The following LRRFIP1 variants were observed in gnomAD, a reference collection of about 807,000 sequenced individuals.
LRRFIP1 encodes the protein leucine-rich repeat flightless-interacting protein 1.
LRRFIP1 carries 62 observed loss-of-function variants against 104.4 expected under a neutral mutation model. The ratio of observed to expected loss-of-function variants is 0.59; its 90% CI spans 0.48 to 0.73. LRRFIP1 has a LOEUF of 0.73. Among genes scored for constraint, LRRFIP1 ranks in the 30% least tolerant of loss-of-function variants. The pLI is 0.00. For missense variants in LRRFIP1, 796 were observed against 824.5 expected (o/e 0.97, Z 0.42); for synonymous variants, 300 against 299.0 (o/e 1.00, Z -0.03).
intron 19 of LRRFIP1, chr2:237,763,632 A>G: frequency 6.2e-7 from 1 of 1,614,050 alleles, no homozygotes; most frequent in Non-Finnish European, 8.5e-7. Flanking sequence ...GAAAGCAGTG[A>G]AAATGTTGAT....
chr2:237,714,688 T>G (rs1329186921), intron 3 of LRRFIP1, among the ~76,000 whole-genome samples: 8 of 152,230 alleles, frequency 5.3e-5, no homozygotes, highest in African/African-American at 1.9e-4. Flanking sequence ...TATTAGATAT[T>G]GAGTTAAAAA....
intron 1 of LRRFIP1, among the ~76,000 whole-genome samples, chr2:237,644,146 C>A (rs2084485665): frequency 6.6e-6 from 1 of 152,208 alleles, no homozygotes. Context: ...TCTGAATGAT[C>A]CTAGTGATGG....
chr2:237,638,155 A>G (rs530175037), intron 1 of LRRFIP1, among the ~76,000 whole-genome samples: 3 of 152,302 alleles, frequency 2.0e-5, no homozygotes, highest in Admixed American at 1.3e-4. Flanking sequence ...TATACAATTC[A>G]CCATAATGTA....
At chr2:237,695,069 C>G (rs1419405678) in intron 1 of LRRFIP1, among the ~76,000 whole-genome samples, 1 of 152,148 alleles carries the variant, frequency 6.6e-6, no homozygotes, top group Non-Finnish European at 1.5e-5. Flanking sequence ...TGGCCCTGCT[C>G]TAGCTCAGTC....
chr2:237,759,934 T>G, intron 18 of LRRFIP1, 130 bp from the exon 19 acceptor site: 1 of 759,854 alleles, frequency 1.3e-6, no homozygotes, highest in South Asian at 1.8e-5. Context: ...CACCCTAGCA[T>G]TTCTCTTGTC....
intron 1 of LRRFIP1, among the ~76,000 whole-genome samples, chr2:237,654,485 A>G (rs1279156716): frequency 6.6e-6 from 1 of 152,226 alleles, no homozygotes; most frequent in Admixed American, 6.5e-5. Context: ...GAAAACTACT[A>G]TATGATACAG....
chr2:237,751,335 C>A, intron 14 of LRRFIP1, 64 bp downstream of exon 14: 9 of 1,249,474 alleles, frequency 7.2e-6, no homozygotes, highest in Non-Finnish European at 9.0e-6. Context: ...AAAAAAACAA[C>A]ATCCTAAAGA....
rs1304997765 is a variant in LRRFIP1, at chr2:237,772,889, G to A, written c.1651G>A (p.Asp551Asn). 1.9e-6 allele frequency: 3 copies of A among 1,613,788 alleles called. No homozygotes were observed. The highest frequency in any genetic ancestry group is 2.2e-5 in the East Asian group (1 of 44,888). ...LQRDANRQISDLKFKLAKSEQ... is the reference protein window; with the variant it reads ...LQRDANRQISNLKFKLAKSEQ... ...AGGGGATGCCAACAGACAGATCAGC[G>A]ACCTCAAATTTAAACTTGCAAAATC... Residue 551 changes from aspartate to asparagine, a missense_variant, in exon 22 of 24, where the codon GAC (aspartate) becomes AAC (asparagine). Asp to Asn is a conservative substitution (Grantham distance 23). Coordinates refer to ENST00000308482, the MANE Select transcript of LRRFIP1 (RefSeq NM_001137550.2).
rs562336503 is a variant in LRRFIP1, at chr2:237,745,057, T to C, written c.634-3307T>C. Reference sequence around the variant, plus strand: ...TCATTTTAGGGAGGAAGTGCTGTGCTTTATGTCAAGATGAAACACAACATC... The same window carrying C: ...TCATTTTAGGGAGGAAGTGCTGTGCCTTATGTCAAGATGAAACACAACATC... On this transcript the variant is annotated intron_variant, in intron 11 of 23. Coordinates refer to ENST00000308482, the MANE Select transcript of LRRFIP1 (RefSeq NM_001137550.2). Among the ~76,000 whole-genome samples the C allele has an allele frequency of 3.3e-5, 5 of 152,388 alleles. 1 individual carries two copies. The South Asian group carries it at 1.0e-3, about 32-fold the overall frequency.
intron 15 of LRRFIP1, among the ~76,000 whole-genome samples, chr2:237,755,331 C>T (rs1037869198): frequency 1.3e-5 from 2 of 152,212 alleles, no homozygotes; most frequent in African/African-American, 4.8e-5. Context: ...CAGAGCTGGC[C>T]ACCAGCTGTT....
At chr2:237,665,178 T>G in intron 1 of LRRFIP1, among the ~76,000 whole-genome samples, 1 of 152,132 alleles carries the variant, frequency 6.6e-6, no homozygotes, top group East Asian at 1.9e-4. Flanking sequence ...TCAATGAAAC[T>G]AAAATTCTAA....
intron 1 of LRRFIP1, among the ~76,000 whole-genome samples, chr2:237,693,064 A>G (rs551316002): frequency 9.3e-4 from 141 of 152,338 alleles, no homozygotes; most frequent in South Asian, 2.7e-3. Flanking sequence ...TCCTGCCTCT[A>G]GGATTTTGCC....
At chr2:237,770,102 A>G in intron 20 of LRRFIP1, 110 bp downstream of exon 20, 1 of 841,160 alleles carries the variant, frequency 1.2e-6, no homozygotes, top group Non-Finnish European at 2.0e-6. Context: ...CATGTCTGAA[A>G]GTCTTTATCA....
At chr2:237,628,553 G>C (rs1016959473) in intron 1 of LRRFIP1, among the ~76,000 whole-genome samples, 1 of 152,166 alleles carries the variant, frequency 6.6e-6, no homozygotes, top group East Asian at 1.9e-4. Context: ...AATAGGTTGC[G>C]GCCCCAGGGG....
intron 9 of LRRFIP1, among the ~76,000 whole-genome samples, chr2:237,734,273 C>CTTTTTT (rs71870330): frequency 7.3e-4 from 66 of 90,202 alleles, no homozygotes; most frequent in South Asian, 4.6e-3. Context: ...TGTTAATAAC[C>CTTTTTT]TTTTTTTTTT....
At chr2:237,753,528 GC>G in intron 15 of LRRFIP1, 49 bp downstream of exon 15, 2 of 1,456,158 alleles carry the variant, frequency 1.4e-6, no homozygotes, top group Non-Finnish European at 1.8e-6. Flanking sequence ...GCGTGCAGTG[GC>G]CCATGCCTGT....
intron 1 of LRRFIP1, among the ~76,000 whole-genome samples, chr2:237,698,817 C>T (rs969627009): frequency 6.6e-6 from 1 of 152,190 alleles, no homozygotes; most frequent in Non-Finnish European, 1.5e-5. Flanking sequence ...GACGAGAGAT[C>T]CACACTGGAG....
intron 8 of LRRFIP1, among the ~76,000 whole-genome samples, chr2:237,729,601 G>T (rs2094914440): frequency 6.6e-6 from 1 of 152,100 alleles, no homozygotes; most frequent in African/African-American, 2.4e-5. Context: ...ATCTCCAGTT[G>T]TTAAGAATCT....
intron 1 of LRRFIP1, among the ~76,000 whole-genome samples, chr2:237,688,441 C>CTTTTTTTTTTTTTTTTTTTTTTTTTTT (rs5839674): frequency 7.5e-6 from 1 of 132,510 alleles, no homozygotes. Context: ...GATGGACCCC[C>CTTTTTTTTTTTTTTTTTTTTTTTTTTT]TTTTTTTTTT....
Sources: allele counts gnomAD v4.1 joint callset (sites outside exome capture counted in the v4.1 genomes callset), GRCh38; gene constraint gnomAD v4.1.1; transcripts MANE v1.5; gene names NCBI Gene and HGNC (gene_info 2026-07-23, HGNC 2026-07-21).